SERTM2: variants seen among roughly 807,000 people sequenced by gnomAD.
SERTM2 encodes serine-rich and transmembrane domain-containing protein 2.
At chrX:111,516,353 A>C (rs1221825448) in intron 2 of SERTM2, among the ~76,000 whole-genome samples, 2 of 109,018 alleles carry the variant, frequency 1.8e-5, no homozygotes, top group Non-Finnish European at 3.8e-5. Context: ...GGGTGACACT[A>C]TTCACCCATA....
intron 2 of SERTM2, among the ~76,000 whole-genome samples, chrX:111,517,670 G>T (rs760282171): frequency 2.1e-5 from 2 of 97,380 alleles, no homozygotes; most frequent in South Asian, 7.9e-4. Context: ...AATATGGGTG[G>T]CTATTTTTTT....
chrX:111,511,885 T>C (rs1930233534), intron 1 of SERTM2, 51 bp downstream of exon 1: 1 of 286,281 alleles, frequency 3.5e-6, no homozygotes, highest in Non-Finnish European at 6.1e-6. Flanking sequence ...AGAAGGTGTT[T>C]TTCTGTTTTT....
chrX:111,519,325 C>G lies in SERTM2; in HGVS notation c.*195C>G. ...TGTGGGCTATCTAAAACGTTTAAGA[C>G]TCACTCTGAAAGGAATATAGGAAAA... is the stretch of plus-strand genomic sequence containing the variant. On this transcript the variant is annotated 3_prime_UTR_variant, in exon 3 of 3. Coordinates refer to ENST00000569275, the MANE Select transcript of SERTM2 (RefSeq NM_001354473.2). The G allele has an allele frequency of 1.2e-5, 3 of 260,127 alleles. No individual in the cohort carries two copies. Among genetic ancestry groups the G allele is most frequent in the Non-Finnish European group, 2.0e-5 (3 of 147,405 alleles). 21.4% of individuals were successfully genotyped at this position (260,127 alleles called of 1,213,427 possible). A position where few individuals can be genotyped will look rare whatever the true frequency, so the allele number is the denominator to read the frequency against.
rs1227283529 is a variant in SERTM2, at chrX:111,519,495, C to A, written c.*365C>A. On this transcript the variant is annotated 3_prime_UTR_variant, in exon 3 of 3. Transcript: ENST00000569275. ...TCCAAAAACAAACAAAGAAGATTTGCTTTTGAAAGGGCTGATCCTTCAAAG... is the reference window on the plus strand; with the variant it reads ...TCCAAAAACAAACAAAGAAGATTTGATTTTGAAAGGGCTGATCCTTCAAAG... 1 of 120,485 alleles carries A rather than the reference C, an allele frequency of 8.3e-6. No individual in the cohort carries two copies. The highest frequency in any genetic ancestry group is 9.3e-5 in the Admixed American group (1 of 10,767). The allele number at this position is 120,485 out of a possible 1,213,427, so 9.9% of individuals were successfully genotyped here. A position where few individuals can be genotyped will look rare whatever the true frequency, so the allele number is the denominator to read the frequency against.
intron 2 of SERTM2, among the ~76,000 whole-genome samples, chrX:111,514,501 A>C (rs2147488833): frequency 8.9e-6 from 1 of 112,099 alleles, no homozygotes; most frequent in South Asian, 3.7e-4. Context: ...TTCATGAACT[A>C]AATCTTGAAG....
At position 111,518,732 on chromosome X, in the gene SERTM2, A is replaced by G. The variant is rs1819009077; in HGVS notation, c.-126A>G. The G allele has an allele frequency of 3.4e-6, 1 of 295,777 alleles. No individual in the cohort carries two copies. The highest frequency in any genetic ancestry group is 5.9e-6 in the Non-Finnish European group (1 of 169,488). 24.4% of individuals were successfully genotyped at this position (295,777 alleles called of 1,213,427 possible). A position where few individuals can be genotyped will look rare whatever the true frequency, so the allele number is the denominator to read the frequency against. On this transcript the variant is annotated 5_prime_UTR_variant, in exon 3 of 3. Transcript: ENST00000569275. ...TGTGTGCTATTGCCTTAGCTCTGAG[A>G]GTGATTGGTTTTTACCAGATTGTTA...
At chrX:111,515,268 A>G (rs772685490) in intron 2 of SERTM2, among the ~76,000 whole-genome samples, 1 of 111,321 alleles carries the variant, frequency 9.0e-6, no homozygotes, top group East Asian at 2.8e-4. Context: ...GTGAGTGTTT[A>G]TTTTTCCTTA....
intron 2 of SERTM2, 49 bp downstream of exon 2, chrX:111,512,143 G>A: frequency 3.4e-6 from 1 of 290,580 alleles, no homozygotes; most frequent in Non-Finnish European, 6.0e-6. Flanking sequence ...TGAAGTGAGA[G>A]GCATTATTTT....
intron 2 of SERTM2, among the ~76,000 whole-genome samples, chrX:111,517,480 T>C (rs1468310010): frequency 2.7e-5 from 3 of 111,015 alleles, no homozygotes; most frequent in East Asian, 5.8e-4. Context: ...CCAGTGTTTT[T>C]AGACCAGAAG....
intron 2 of SERTM2, among the ~76,000 whole-genome samples, chrX:111,517,209 A>G (rs1602408055): frequency 1.8e-5 from 2 of 111,339 alleles, no homozygotes; most frequent in African/African-American, 6.5e-5. Context: ...AGAGAGATAG[A>G]ACAAAAAAAG....
rs1930405048 is a variant in SERTM2 at position 111,521,080 on chromosome X, G to C, written c.*1950G>C. On this transcript the variant is annotated 3_prime_UTR_variant, in exon 3 of 3. Coordinates refer to ENST00000569275, the MANE Select transcript of SERTM2 (RefSeq NM_001354473.2). ...TGCACTTTACATTTGAGAAGTCAGT[G>C]GCTGGCTAAATGAAGGAACTGATTA... is the stretch of plus-strand genomic sequence containing the variant. 1.8e-5 allele frequency: 2 copies of C among 111,720 alleles called. No homozygotes were observed. Among genetic ancestry groups the C allele is most frequent in the Non-Finnish European group, 3.8e-5 (2 of 53,187 alleles). 9.2% of individuals were successfully genotyped at this position (111,720 alleles called of 1,213,427 possible).
At chrX:111,517,166 G>T (rs1031256123) in intron 2 of SERTM2, among the ~76,000 whole-genome samples, 3 of 111,053 alleles carry the variant, frequency 2.7e-5, no homozygotes, top group Non-Finnish European at 3.8e-5. Context: ...CTATTGGGGG[G>T]AAATGTCTAT....
At chrX:111,514,619 A>G (rs746237754) in intron 2 of SERTM2, among the ~76,000 whole-genome samples, 1 of 111,210 alleles carries the variant, frequency 9.0e-6, no homozygotes, top group Non-Finnish European at 1.9e-5. Flanking sequence ...GTTTTATTGG[A>G]AAGAGGGTAA....
At chrX:111,516,453 A>G (rs1331143706) in intron 2 of SERTM2, among the ~76,000 whole-genome samples, 1 of 110,089 alleles carries the variant, frequency 9.1e-6, no homozygotes, top group African/African-American at 3.3e-5. Flanking sequence ...TCTAGAGAGA[A>G]AAAACAATAA....
chrX:111,514,919 G>A (rs1014433170), intron 2 of SERTM2, among the ~76,000 whole-genome samples: 7 of 109,931 alleles, frequency 6.4e-5, no homozygotes. Flanking sequence ...GTAAATAAAA[G>A]GAAGGTAATG....
intron 2 of SERTM2, among the ~76,000 whole-genome samples, chrX:111,513,364 CT>C (rs1420902052): frequency 1.8e-5 from 2 of 111,155 alleles, no homozygotes; most frequent in African/African-American, 6.5e-5. Flanking sequence ...TTTACAAAGA[CT>C]AGAAACTGAT....
chrX:111,519,909 A>C lies in SERTM2; in HGVS notation c.*779A>C, dbSNP rs545778553. On this transcript the variant is annotated 3_prime_UTR_variant, in exon 3 of 3. Transcript: ENST00000569275. ...GCCTTTGCAAACAAGACTCAACTGT[A>C]CTTTAGAGCAGAAATAAAATGATGT... The C allele has an allele frequency of 8.9e-6, 1 of 112,124 alleles. No individual in the cohort carries two copies. Among genetic ancestry groups the C allele is most frequent in the East Asian group, 2.8e-4 (1 of 3,562 alleles). The allele number at this position is 112,124 out of a possible 1,213,427, so 9.2% of individuals were successfully genotyped here. A position where few individuals can be genotyped will look rare whatever the true frequency, so the allele number is the denominator to read the frequency against.
chrX:111,516,190 T>C (rs1196437077), intron 2 of SERTM2, among the ~76,000 whole-genome samples: 2 of 104,492 alleles, frequency 1.9e-5, no homozygotes, highest in East Asian at 3.1e-4. Flanking sequence ...TGTCTTCTGC[T>C]TGTATGCCTC....
At chrX:111,513,031 G>A (rs1930254648) in intron 2 of SERTM2, among the ~76,000 whole-genome samples, 2 of 109,381 alleles carry the variant, frequency 1.8e-5, no homozygotes, top group South Asian at 7.5e-4. Flanking sequence ...TAAACCAGAT[G>A]TACAAGTTAA....
Sources: gnomAD v4.1 joint callset for allele counts (sites outside exome capture counted in the v4.1 genomes callset) on GRCh38, gnomAD v4.1.1 for gene constraint, MANE v1.5 for transcripts, NCBI Gene and HGNC (gene_info 2026-07-23, HGNC 2026-07-21) for gene names.